The following C17orf99 variants were observed in gnomAD, a reference collection of about 807,000 sequenced individuals.
The protein encoded by C17orf99 is protein IL-40.
In C17orf99, 18 loss-of-function variants were observed where a neutral mutation model predicts 22.6. The ratio of observed to expected loss-of-function variants is 0.80; its 90% confidence interval spans 0.55 to 1.18. C17orf99 has a LOEUF of 1.18. Ranked by LOEUF, C17orf99 falls within the 50% of genes most tolerant of loss-of-function variation. C17orf99 has a pLI of 0.00. For missense variants in C17orf99, 328 were observed against 342.7 expected (o/e 0.96, Z 0.34); for synonymous variants, 147 against 136.6 (o/e 1.08, Z -0.53).
chr17:78,154,002 T>G (rs1218916254), intron 2 of C17orf99, among the ~76,000 whole-genome samples: 1 of 137,488 alleles, frequency 7.3e-6, no homozygotes, highest in Non-Finnish European at 1.5e-5. Flanking sequence ...CTCCGCTCAC[T>G]GCAGCCTCCA....
At position 78,146,457 on chromosome 17, in the gene C17orf99, G is replaced by C; in HGVS notation, c.37+13G>C. The C allele has an allele frequency of 1.9e-6, 3 of 1,549,398 alleles. No homozygotes were observed. The Admixed American group carries it at 5.9e-5, about 30-fold the overall frequency. The stretch of plus-strand genomic sequence containing the variant: ...TTGGCCGTGCTGGGTGAGTCCACCA[G>C]GGACGTGATGGTGGGGCTGCTGCTG... On this transcript the variant is annotated intron_variant, in intron 1 of 4. Coordinates refer to ENST00000340363, the MANE Select transcript of C17orf99 (RefSeq NM_001163075.2). The surrounding 1 kb of genome is among the most constrained non-coding windows in gnomAD (Gnocchi z 5.2).
chr17:78,150,871 C>T (rs899620511), intron 2 of C17orf99, among the ~76,000 whole-genome samples: 4 of 152,314 alleles, frequency 2.6e-5, no homozygotes, highest in South Asian at 2.1e-4. Context: ...CGTCTGTAAT[C>T]GAGCACTTTG....
At chr17:78,159,591 C>CAT (rs112711730) in intron 2 of C17orf99, among the ~76,000 whole-genome samples, 1 of 140,696 alleles carries the variant, frequency 7.1e-6, no homozygotes, top group African/African-American at 2.6e-5. Flanking sequence ...GACTCTGTCT[C>CAT]AAAAAAAAAA....
intron 2 of C17orf99, among the ~76,000 whole-genome samples, chr17:78,155,976 C>A (rs886511526): frequency 2.6e-5 from 4 of 151,904 alleles, no homozygotes; most frequent in African/African-American, 9.7e-5. Context: ...TATAATACAA[C>A]CCTCTCCCTC....
Position 78,146,685 on chromosome 17 carries a change from G to T in C17orf99, c.38-194G>T, listed in dbSNP as rs145314766. Among the ~76,000 whole-genome samples, 1,400 of 152,070 alleles carry T rather than the reference G, an allele frequency of 9.2e-3. 21 individuals are homozygous for T. Among genetic ancestry groups the T allele is most frequent in the African/African-American group, 0.032 (1,316 of 41,494 alleles). Reference sequence around the variant, plus strand: ...CTACTTACCCATCTGCGAAATGGGCGGATGAGAGGCGATGTTGTGGGGGGA... The same window carrying T: ...CTACTTACCCATCTGCGAAATGGGCTGATGAGAGGCGATGTTGTGGGGGGA... On this transcript the variant is annotated intron_variant, in intron 1 of 4. Coordinates refer to ENST00000340363, the MANE Select transcript of C17orf99 (RefSeq NM_001163075.2). The surrounding 1 kb of genome is among the most constrained non-coding windows in gnomAD (Gnocchi z 5.2).
intron 2 of C17orf99, among the ~76,000 whole-genome samples, chr17:78,157,654 G>A (rs891671168): frequency 2.9e-4 from 44 of 151,850 alleles, no homozygotes; most frequent in African/African-American, 9.5e-4. Context: ...AAAATTAGCC[G>A]GGCGTGGTGG....
At chr17:78,159,591 C>CAAAAA (rs58887528) in intron 2 of C17orf99, among the ~76,000 whole-genome samples, 21 of 140,700 alleles carry the variant, frequency 1.5e-4, no homozygotes, top group African/African-American at 4.0e-4. Context: ...GACTCTGTCT[C>CAAAAA]AAAAAAAAAA....
intron 2 of C17orf99, among the ~76,000 whole-genome samples, chr17:78,160,306 G>A (rs935524575): frequency 6.6e-6 from 1 of 152,130 alleles, no homozygotes; most frequent in African/African-American, 2.4e-5. Context: ...GGGAGGCCAA[G>A]GCGGGTGGAT....
At chr17:78,161,287 G>A in intron 3 of C17orf99, 33 bp downstream of exon 3, 2 of 1,531,548 alleles carry the variant, frequency 1.3e-6, no homozygotes, top group Non-Finnish European at 1.8e-6. Flanking sequence ...GGCTGAGGAG[G>A]CAGGTGGGGT....
intron 3 of C17orf99, among the ~76,000 whole-genome samples, chr17:78,161,755 A>T (rs2075578574): frequency 6.6e-6 from 1 of 151,748 alleles, no homozygotes; most frequent in African/African-American, 2.4e-5. Flanking sequence ...GAGGCAGGAG[A>T]ATCGCTTGAA....
In C17orf99 at chr17:78,160,983, C is replaced by T. The variant is rs1264006821; in HGVS notation, c.99C>T (p.Tyr33=). 4 of 1,551,464 alleles carry T rather than the reference C, an allele frequency of 2.6e-6. No homozygotes were observed. The East Asian group carries it at 9.8e-5, about 38-fold the overall frequency. ...EEITPVVSIA[Y]KVLEVFPKGR... is the part of the protein sequence containing the mutation. The stretch of plus-strand genomic sequence containing the variant: ...TTACCCCTGTGGTCTCCATTGCCTA[C>T]AAAGTCCTGGAAGTTTTCCCCAAAG... Residue 33 remains tyrosine (Y), a synonymous_variant, in exon 3 of 5, where the codon TAC becomes TAT. Transcript: ENST00000340363.
Position 78,161,005 on chromosome 17 carries a change from A to G in C17orf99, c.121A>G (p.Lys41Glu). Residue 41 changes from lysine (K) to glutamate (E), a missense_variant, in exon 3 of 5, where the codon AAA (lysine) becomes GAA (glutamate). Lys to Glu is a moderately conservative substitution (Grantham distance 56). Coordinates refer to ENST00000340363, the MANE Select transcript of C17orf99 (RefSeq NM_001163075.2). ...CTACAAAGTCCTGGAAGTTTTCCCC[A>G]AAGGCCGCTGGGTGCTCATAACCTG... ...IAYKVLEVFP[K>E]GRWVLITCCA... 6.4e-7 allele frequency: 1 copy of G among 1,551,592 alleles called. No homozygotes were observed. Among genetic ancestry groups the G allele is most frequent in the Non-Finnish European group, 8.7e-7 (1 of 1,146,966 alleles).
At chr17:78,165,392 T>G (rs1313770429) in intron 4 of C17orf99, 1 of 985,460 alleles carries the variant, frequency 1.0e-6, no homozygotes, top group Non-Finnish European at 1.2e-6. Flanking sequence ...GTGAGCCATG[T>G]CACCTCGCCG....
intron 2 of C17orf99, among the ~76,000 whole-genome samples, chr17:78,150,165 T>C (rs2075470356): frequency 6.6e-6 from 1 of 152,046 alleles, no homozygotes; most frequent in African/African-American, 2.4e-5. Context: ...TGCACCACCA[T>C]GCCCAGCTAA....
In C17orf99 at chr17:78,146,789, C is replaced by T. The variant is rs954014906; in HGVS notation, c.38-90C>T. ...ACTACCAAGAATCAGCCTGCTCCTCCCTCCTGGCTTCAGCAGGTGGGTCTC... is the reference window on the plus strand; with the variant it reads ...ACTACCAAGAATCAGCCTGCTCCTCTCTCCTGGCTTCAGCAGGTGGGTCTC... On this transcript the variant is annotated intron_variant, in intron 1 of 4. Transcript: ENST00000340363. The surrounding 1 kb of genome is among the most constrained non-coding windows in gnomAD (Gnocchi z 5.2). The T allele has an allele frequency of 2.8e-5, 36 of 1,289,074 alleles. No individual in the cohort carries two copies. Among genetic ancestry groups the T allele is most frequent in the Non-Finnish European group, 3.7e-5 (34 of 911,314 alleles). The allele number at this position is 1,289,074 out of a possible 1,614,324, so 79.9% of individuals were successfully genotyped here. A position where few individuals can be genotyped will look rare whatever the true frequency, so the allele number is the denominator to read the frequency against.
intron 4 of C17orf99, chr17:78,165,059 A>C: frequency 9.5e-7 from 1 of 1,054,514 alleles, no homozygotes; most frequent in Non-Finnish European, 1.1e-6. Flanking sequence ...AGTCTTTCCG[A>C]GGTGGTGGCA....
chr17:78,157,983 A>T, intron 2 of C17orf99: 2 of 1,285,808 alleles, frequency 1.6e-6, no homozygotes, highest in Non-Finnish European at 2.2e-6. Context: ...CATAACATGG[A>T]TGTCCCCAGC....
intron 2 of C17orf99, among the ~76,000 whole-genome samples, chr17:78,152,004 G>C (rs1027190473): frequency 6.6e-6 from 1 of 152,050 alleles, no homozygotes; most frequent in Admixed American, 6.6e-5. Flanking sequence ...CACCATGTCC[G>C]GGCCTGGACA....
intron 3 of C17orf99, among the ~76,000 whole-genome samples, chr17:78,161,862 G>A (rs1435757974): frequency 1.3e-5 from 2 of 151,088 alleles, no homozygotes; most frequent in Admixed American, 1.3e-4. Flanking sequence ...AAAAAGAAAC[G>A]AAAAAAAAGT....
Sources: gnomAD v4.1 joint callset for allele counts (sites outside exome capture counted in the v4.1 genomes callset) on GRCh38, gnomAD v4.1.1 for gene constraint, Gnocchi (gnomAD v3.1) non-coding constraint, MANE v1.5 for transcripts, NCBI Gene and HGNC (gene_info 2026-07-23, HGNC 2026-07-21) for gene names.